Variants in TNFRSF4 observed in about 807,000 individuals in gnomAD.
TNFRSF4 encodes tumor necrosis factor receptor superfamily member 4.
Under a neutral mutation model 29.5 loss-of-function variants are expected in TNFRSF4, and 21 were observed. That is an observed-to-expected ratio of 0.71 (90% CI 0.51 to 1.03). The LOEUF (loss-of-function observed/expected upper bound fraction) is 1.03. Ranked by LOEUF, TNFRSF4 falls within the 50% of genes least tolerant of loss-of-function variation. The pLI is 0.00. For missense variants in TNFRSF4, 408 were observed against 387.8 expected, an observed-to-expected ratio of 1.05 and a Z score of -0.44; for synonymous variants, 197 against 172.7, an observed-to-expected ratio of 1.14 and a Z score of -1.10.
Position 1,213,779 on chromosome 1 carries a change from C to G in TNFRSF4, c.152G>C (p.Gly51Ala), listed in dbSNP as rs926489272. Residue 51 changes from glycine to alanine, a missense_variant, in exon 2 of 7, where the codon GGG (glycine) becomes GCG (alanine). Gly to Ala is a moderately conservative substitution (Grantham distance 60). Transcript: ENST00000379236. ...GGAGCGGCTGCAGCGGCTCACCATCCCGTTGCCTGCAGCAGAGGCCGGCGT... is the reference window on the plus strand; with the variant it reads ...GGAGCGGCTGCAGCGGCTCACCATCGCGTTGCCTGCAGCAGAGGCCGGCGT... The part of the protein sequence containing the change: ...RCCHECRPGN[G>A]MVSRCSRSQN... The G allele has an allele frequency of 9.4e-6, 15 of 1,598,386 alleles. No homozygotes were observed. The highest frequency in any genetic ancestry group is 1.7e-5 in the Admixed American group (1 of 58,186).
chr1:1,213,483 A>T, intron 2 of TNFRSF4, 180 bp downstream of exon 2: 1 of 1,474,084 alleles, frequency 6.8e-7, no homozygotes, highest in Non-Finnish European at 9.0e-7. Flanking sequence ...CCGGAGGGAG[A>T]GGGGGTGCCC....
Position 1,213,050 on chromosome 1 carries a change from G to A in TNFRSF4, c.312C>T (p.Asp104=), listed in dbSNP as rs1431056515. Residue 104 remains aspartate, a synonymous_variant, in exon 3 of 7, where the codon GAC becomes GAT. Transcript: ENST00000379236. The part of the protein sequence containing the change: ...ERKQLCTATQ[D]TVCRCRAGTQ... ...TGCCCGCCCGGCAGCGGCAGACTGT[G>A]TCCTGTGTGGCCGTGCACAGCTGCT... The A allele has an allele frequency of 1.9e-6, 3 of 1,611,538 alleles. No homozygotes were observed. Among genetic ancestry groups the A allele is most frequent in the Admixed American group, 1.7e-5 (1 of 59,908 alleles).
chr1:1,212,604 C>T (rs1478454142), intron 4 of TNFRSF4, 34 bp downstream of exon 4: 6 of 1,408,394 alleles, frequency 4.3e-6, no homozygotes, highest in Middle Eastern at 2.6e-4. Flanking sequence ...CAACCCCCCC[C>T]CAGCCCCTCC....
rs867902887 is a variant in TNFRSF4, at chr1:1,214,045, C to T, written c.83G>A (p.Gly28Glu). 10 of 1,602,854 alleles carry T rather than the reference C, an allele frequency of 6.2e-6. No homozygotes were observed. The highest frequency in any genetic ancestry group is 7.6e-6 in the Non-Finnish European group (9 of 1,177,338). ...GTAGGTGTCCCCGACACAGTGGAGC[C>T]CCGTCACGGTGCTCAGCCCCAGGCC... Reference protein sequence around the residue: ...LLGLGLSTVTGLHCVGDTYPS... With the variant: ...LLGLGLSTVTELHCVGDTYPS... Residue 28 changes from glycine to glutamate, a missense_variant, in exon 1 of 7, where the codon GGG becomes GAG. Transcript: ENST00000379236. This position sits in a 1 kb window ranked among gnomAD's most constrained non-coding sequence, Gnocchi z 4.2.
Position 1,211,785 on chromosome 1 carries a change from G to A in TNFRSF4, c.682C>T (p.Leu228=), listed in dbSNP as rs372578101. The part of the protein sequence containing the change: ...ILGLGLVLGL[L]GPLAILLALY... ...GCCAGCAGGATGGCCAGGGGGCCCA[G>A]CAGCCCCAGCACCAGGCCCAGGCCC... Residue 228 remains leucine (L), a synonymous_variant, in exon 6 of 7, where the codon CTG becomes TTG. Transcript: ENST00000379236. The A allele has an allele frequency of 3.4e-5, 53 of 1,558,072 alleles. No individual in the cohort carries two copies. The African/African-American group carries it at 6.5e-4, about 19-fold the overall frequency.
Position 1,211,534 on chromosome 1 carries a change from G to A in TNFRSF4, c.*21C>T, listed in dbSNP as rs376788453. On this transcript the variant is annotated 3_prime_UTR_variant, in exon 7 of 7. Transcript: ENST00000379236. ...GGGCTCCAGCCTGGCGGGGCCCAGC[G>A]TCCACCTTGGTGGGCCCAGGTCAGA... The A allele has an allele frequency of 4.5e-5, 67 of 1,479,792 alleles. No individual in the cohort carries two copies. Among genetic ancestry groups the A allele is most frequent in the Middle Eastern group, 1.9e-4 (1 of 5,292 alleles). 91.7% of individuals were successfully genotyped at this position (1,479,792 alleles called of 1,614,324 possible). A position where few individuals can be genotyped will look rare whatever the true frequency, so the allele number is the denominator to read the frequency against.
Position 1,211,786 on chromosome 1 carries a change from C to A in TNFRSF4, c.681G>T (p.Leu227=). 1 of 1,558,010 alleles carries A rather than the reference C, an allele frequency of 6.4e-7. No homozygotes were observed. The highest frequency in any genetic ancestry group is 8.7e-7 in the Non-Finnish European group (1 of 1,154,524). The part of the protein sequence containing the change: ...AILGLGLVLG[L]LGPLAILLAL... ...CCAGCAGGATGGCCAGGGGGCCCAG[C>A]AGCCCCAGCACCAGGCCCAGGCCCA... is the stretch of plus-strand genomic sequence containing the variant. The change falls in exon 6 of 7, where the codon CTG becomes CTT. Residue 227 remains leucine (L), a synonymous_variant. Transcript: ENST00000379236.
At chr1:1,213,345 G>T in intron 2 of TNFRSF4, 2 of 1,528,530 alleles carry the variant, frequency 1.3e-6, no homozygotes, top group African/African-American at 1.4e-5. Context: ...GCCTCCAGCC[G>T]CCAGCCCCGC....
chr1:1,213,655 G>GCC lies in TNFRSF4; in HGVS notation c.268+7_268+8insGG. 1 of 1,583,316 alleles carries GCC rather than the reference G, an allele frequency of 6.3e-7. No individual in the cohort carries two copies. The highest frequency in any genetic ancestry group is 1.3e-5 in the African/African-American group (1 of 74,500). ...TGGGTGGGGCTGTGGGGCCAGGTGG[G>GCC]AGCTCACTGAGGTTACACCACGTGC... is the stretch of plus-strand genomic sequence containing the variant. On this transcript the variant is annotated splice_region_variant and intron_variant, in intron 2 of 6. Transcript: ENST00000379236.
intron 1 of TNFRSF4, 32 bp downstream of exon 1, chr1:1,213,951 C>A: frequency 7.0e-7 from 1 of 1,435,052 alleles, no homozygotes; most frequent in Non-Finnish European, 9.3e-7. Flanking sequence ...CCCTGGAGTG[C>A]CCGTGCGTGG....
At position 1,214,061 on chromosome 1, in the gene TNFRSF4, GC is replaced by G; in HGVS notation, c.66del (p.Leu23Ter). 6.3e-7 allele frequency: 1 copy of G among 1,597,538 alleles called. No homozygotes were observed. The highest frequency in any genetic ancestry group is 8.5e-7 in the Non-Finnish European group (1 of 1,175,132). On this transcript the variant is annotated frameshift_variant, in exon 1 of 7. Transcript: ENST00000379236. LOFTEE classifies it high-confidence loss of function. This position sits in a 1 kb window ranked among gnomAD's most constrained non-coding sequence, Gnocchi z 4.2. Reference sequence around the variant, plus strand: ...CAGTGGAGCCCCGTCACGGTGCTCAGCCCCAGGCCCAGGAGGAGCAGAGCCG... The same window carrying G: ...CAGTGGAGCCCCGTCACGGTGCTCAGCCCAGGCCCAGGAGGAGCAGAGCCG... ...PCAALLLLGL[G>X]LSTVTGLHCV...
Position 1,211,482 on chromosome 1 carries a change from C to T in TNFRSF4, c.*73G>A. ...GCGTGGCGGGGCAGGCGGCCTGCAC[C>T]TGCCCTGCTCGCCCAGCAGACCCTC... On this transcript the variant is annotated 3_prime_UTR_variant, in exon 7 of 7. Transcript: ENST00000379236. The T allele has an allele frequency of 7.1e-7, 1 of 1,403,430 alleles. No homozygotes were observed. Among genetic ancestry groups the T allele is most frequent in the Non-Finnish European group, 9.3e-7 (1 of 1,072,868 alleles). The allele number at this position is 1,403,430 out of a possible 1,614,324, so 86.9% of individuals were successfully genotyped here. A position where few individuals can be genotyped will look rare whatever the true frequency, so the allele number is the denominator to read the frequency against.
At chr1:1,213,619 GC>G in intron 2 of TNFRSF4, 43 bp downstream of exon 2, 1 of 1,533,598 alleles carries the variant, frequency 6.5e-7, no homozygotes, top group Non-Finnish European at 8.8e-7. Context: ...CCAGGCTGCC[GC>G]CCCCTGTGCT....
At position 1,211,796 on chromosome 1, in the gene TNFRSF4, ACCAGGC is replaced by A. The variant is rs756916915; in HGVS notation, c.665_670del (p.Gly222_Leu223del). The A allele has an allele frequency of 1.3e-6, 2 of 1,556,584 alleles. No individual in the cohort carries two copies. Among genetic ancestry groups the A allele is most frequent in the Non-Finnish European group, 1.7e-6 (2 of 1,154,150 alleles). On this transcript the variant is annotated inframe_deletion, in exon 6 of 7. Transcript: ENST00000379236. ...GGCCAGGGGGCCCAGCAGCCCCAGC[ACCAGGC>A]CCAGGCCCAGGATGGCGGCAACCGC... is the stretch of plus-strand genomic sequence containing the variant.
chr1:1,211,663 C>A, intron 6 of TNFRSF4, 38 bp from the exon 7 acceptor site: 1 of 1,569,394 alleles, frequency 6.4e-7, no homozygotes, highest in South Asian at 1.2e-5. Flanking sequence ...GGGTGGGCCT[C>A]ACCCGCCAGG....
At chr1:1,213,913 C>G in intron 1 of TNFRSF4, 70 bp downstream of exon 1, 7 of 861,032 alleles carry the variant, frequency 8.1e-6, no homozygotes, top group Non-Finnish European at 1.2e-5. Context: ...AGCCTCCTGG[C>G]TGGCCCATCC....
At position 1,211,349 on chromosome 1, in the gene TNFRSF4, C is replaced by T. The variant is rs1649082748; in HGVS notation, c.*206G>A. 2.1e-6 allele frequency: 1 copy of T among 475,370 alleles called. No individual in the cohort carries two copies. The highest frequency in any genetic ancestry group is 3.6e-6 in the Non-Finnish European group (1 of 278,368). 29.4% of individuals were successfully genotyped at this position (475,370 alleles called of 1,614,324 possible). ...AGTGCCGGTCGGAGACTCCCGTCTGCCAAGGTTTTTATTGTGGTCCCGCGG... is the reference window on the plus strand; with the variant it reads ...AGTGCCGGTCGGAGACTCCCGTCTGTCAAGGTTTTTATTGTGGTCCCGCGG... On this transcript the variant is annotated 3_prime_UTR_variant, in exon 7 of 7. Transcript: ENST00000379236.
chr1:1,211,467 G>A lies in TNFRSF4; in HGVS notation c.*88C>T. 3 of 1,311,826 alleles carry A rather than the reference G, an allele frequency of 2.3e-6. No individual in the cohort carries two copies. Among genetic ancestry groups the A allele is most frequent in the Non-Finnish European group, 2.0e-6 (2 of 999,192 alleles). The allele number at this position is 1,311,826 out of a possible 1,614,324, so 81.3% of individuals were successfully genotyped here. ...AGAGTTGGCCCAGGAGCGTGGCGGG[G>A]CAGGCGGCCTGCACCTGCCCTGCTC... On this transcript the variant is annotated 3_prime_UTR_variant, in exon 7 of 7. Coordinates refer to ENST00000379236, the MANE Select transcript of TNFRSF4 (RefSeq NM_003327.4).
In TNFRSF4 at chr1:1,211,607, G is replaced by C; in HGVS notation, c.782C>G (p.Thr261Ser). 1 of 1,534,102 alleles carries C rather than the reference G, an allele frequency of 6.5e-7. No homozygotes were observed. Among genetic ancestry groups the C allele is most frequent in the Non-Finnish European group, 8.8e-7 (1 of 1,142,284 alleles). ...GTCGGCCTGCTCCTCTTGGATGGGG[G>C]TCCGGAAACTGCCTCCCCCTGGGGA... ...HKPPGGGSFR[T>S]PIQEEQADAH... Residue 261 changes from threonine to serine, a missense_variant, in exon 7 of 7, where the codon ACC (threonine) becomes AGC (serine). By Grantham distance (58) the Thr-to-Ser change is moderately conservative. Coordinates refer to ENST00000379236, the MANE Select transcript of TNFRSF4 (RefSeq NM_003327.4).
Sources: gnomAD v4.1 joint callset for allele counts on GRCh38, gnomAD v4.1.1 for gene constraint, Gnocchi (gnomAD v3.1) non-coding constraint, MANE v1.5 for transcripts, NCBI Gene and HGNC (gene_info 2026-07-23, HGNC 2026-07-21) for gene names.